MATN2: variants seen among roughly 807,000 people sequenced by gnomAD.
The protein encoded by MATN2 is matrilin-2.
In MATN2, 69 loss-of-function variants were observed where a neutral mutation model predicts 103.2. The ratio of observed to expected loss-of-function variants is 0.67; its 90% confidence interval spans 0.55 to 0.82. The LOEUF is 0.82. Ranked by LOEUF, MATN2 falls within the 40% of genes least tolerant of loss-of-function variation. The probability of loss-of-function intolerance (pLI) is 0.00; values close to 1 mark genes in which losing one functional copy is unlikely to be tolerated. For missense variants in MATN2, 1,023 were observed against 1,211.5 expected (o/e 0.84, Z 2.31); for synonymous variants, 429 against 450.2 (o/e 0.95, Z 0.60).
intron 12 of MATN2, 110 bp from the exon 13 acceptor site, chr8:98,021,095 G>A (rs1813573384): frequency 9.8e-7 from 1 of 1,018,124 alleles, no homozygotes; most frequent in Non-Finnish European, 1.4e-6. Context: ...TTTGAAGAGA[G>A]GTGTATTTTC....
At chr8:97,988,781 A>G (rs755443495) in intron 6 of MATN2, among the ~76,000 whole-genome samples, 3 of 152,198 alleles carry the variant, frequency 2.0e-5, no homozygotes, top group South Asian at 2.1e-4. Flanking sequence ...AACTCATACT[A>G]ATTCTACACA....
At chr8:97,886,217 C>T (rs1818422359) in intron 1 of MATN2, among the ~76,000 whole-genome samples, 1 of 152,058 alleles carries the variant, frequency 6.6e-6, no homozygotes, top group Non-Finnish European at 1.5e-5. Flanking sequence ...CTCAGGGCTC[C>T]CACTGATTCC....
intron 4 of MATN2, among the ~76,000 whole-genome samples, chr8:97,960,113 C>A (rs546336724): frequency 7.0e-4 from 107 of 152,210 alleles, no homozygotes; most frequent in African/African-American, 2.5e-3. Flanking sequence ...CGTGCCACCA[C>A]GCCAAGCTAA....
chr8:97,994,096 A>G (rs1378473487), intron 6 of MATN2, among the ~76,000 whole-genome samples: 2 of 147,536 alleles, frequency 1.4e-5, no homozygotes, highest in Non-Finnish European at 3.0e-5. Flanking sequence ...GAAAGAAGAA[A>G]GGAAGAAAGG....
At chr8:97,995,263 C>T (rs183220678) in intron 7 of MATN2, among the ~76,000 whole-genome samples, 13 of 152,246 alleles carry the variant, frequency 8.5e-5, no homozygotes, top group African/African-American at 2.6e-4. Flanking sequence ...ATCTTTTTCT[C>T]GCTGCTGAAT....
chr8:97,878,239 G>A (rs1226409805), intron 1 of MATN2, among the ~76,000 whole-genome samples: 1 of 152,094 alleles, frequency 6.6e-6, no homozygotes, highest in African/African-American at 2.4e-5. Context: ...TATTCAAGCT[G>A]ACCAAGAAAT....
intron 1 of MATN2, among the ~76,000 whole-genome samples, chr8:97,874,319 T>C (rs1817992014): frequency 6.6e-6 from 1 of 152,118 alleles, no homozygotes; most frequent in African/African-American, 2.4e-5. Flanking sequence ...TTTGCTTCCA[T>C]CTTCAAAGCC....
chr8:97,990,273 G>A (rs1442272648), intron 6 of MATN2, among the ~76,000 whole-genome samples: 7 of 151,478 alleles, frequency 4.6e-5, no homozygotes, highest in Non-Finnish European at 1.0e-4. Flanking sequence ...TAGAGATGGC[G>A]AAGAAGCATA....
intron 4 of MATN2, among the ~76,000 whole-genome samples, chr8:97,943,628 C>T (rs543677575): frequency 6.6e-6 from 1 of 152,226 alleles, no homozygotes; most frequent in South Asian, 2.1e-4. Context: ...TGCATGCCAC[C>T]ATGCCTGGCT....
At chr8:97,951,721 G>T (rs1349051192) in intron 4 of MATN2, among the ~76,000 whole-genome samples, 4 of 138,702 alleles carry the variant, frequency 2.9e-5, no homozygotes. Context: ...CTCTACAGGA[G>T]TAGGACATTA....
chr8:97,995,317 A>G (rs1812545687), intron 7 of MATN2, among the ~76,000 whole-genome samples: 2 of 152,188 alleles, frequency 1.3e-5, no homozygotes, highest in Non-Finnish European at 2.9e-5. Flanking sequence ...GATGTGCACA[A>G]TGTTTGCTGA....
At chr8:97,899,339 C>T (rs548745185) in intron 2 of MATN2, among the ~76,000 whole-genome samples, 4 of 152,264 alleles carry the variant, frequency 2.6e-5, no homozygotes, top group African/African-American at 4.8e-5. Flanking sequence ...AGTAAATTAA[C>T]GGACTCTTCC....
At chr8:98,034,523 ATCTT>A (rs1814163764) in intron 18 of MATN2, among the ~76,000 whole-genome samples, 4 of 152,144 alleles carry the variant, frequency 2.6e-5, no homozygotes. Context: ...AAATGAAATA[ATCTT>A]TCTGAGTGGT....
chr8:98,018,160 T>A (rs1813439009), intron 12 of MATN2, 44 bp downstream of exon 12: 1 of 1,610,536 alleles, frequency 6.2e-7, no homozygotes, highest in Non-Finnish European at 8.5e-7. Context: ...CTCTGTGGAC[T>A]CAGACAGTTA....
chr8:98,007,392 G>A lies in MATN2; in HGVS notation c.1451-87G>A, dbSNP rs1272812466. ...TGGGACTGCATGCCTTCGAGGGAGGGCGGGGTGAGCATGACGGTCACTTGA... is the reference window on the plus strand; with the variant it reads ...TGGGACTGCATGCCTTCGAGGGAGGACGGGGTGAGCATGACGGTCACTTGA... On this transcript the variant is annotated intron_variant, in intron 9 of 18. Transcript: ENST00000254898. This position sits in a 1 kb window ranked among gnomAD's most constrained non-coding sequence, Gnocchi z 4.2. 5 of 1,566,300 alleles carry A rather than the reference G, an allele frequency of 3.2e-6. No individual in the cohort carries two copies. The South Asian group carries it at 3.5e-5, about 11-fold the overall frequency.
At chr8:97,965,214 C>T (rs544385247) in intron 5 of MATN2, among the ~76,000 whole-genome samples, 1 of 152,180 alleles carries the variant, frequency 6.6e-6, no homozygotes, top group Admixed American at 6.5e-5. Context: ...AAGTTGAAGA[C>T]AGCAGAAGGA....
rs114067643 is a variant in MATN2 at position 98,030,075 on chromosome 8, T to C, written c.2357-387T>C. 5.1e-3 allele frequency among the ~76,000 whole-genome samples: 780 copies of C among 152,326 alleles called. 7 individuals are homozygous for C. Among genetic ancestry groups the C allele is most frequent in the African/African-American group, 0.018 (736 of 41,566 alleles). On this transcript the variant is annotated intron_variant, in intron 14 of 18. Transcript: ENST00000254898. Reference sequence around the variant, plus strand: ...GTAGCTTTGAGTAGAAACTAGGTTATTAGGTCATAAATTGACTTGATTCTT... The same window carrying C: ...GTAGCTTTGAGTAGAAACTAGGTTACTAGGTCATAAATTGACTTGATTCTT...
chr8:97,988,619 C>G (rs1028580274), intron 6 of MATN2, among the ~76,000 whole-genome samples: 1 of 152,114 alleles, frequency 6.6e-6, no homozygotes, highest in African/African-American at 2.4e-5. Flanking sequence ...GAGTGAGACT[C>G]TCTCCCCAGA....
intron 2 of MATN2, among the ~76,000 whole-genome samples, chr8:97,906,071 A>T (rs760743968): frequency 5.9e-5 from 9 of 152,170 alleles, no homozygotes; most frequent in Non-Finnish European, 1.0e-4. Flanking sequence ...AATTGCTGGG[A>T]AATATGGTAA....
Sources: allele counts gnomAD v4.1 joint callset (sites outside exome capture counted in the v4.1 genomes callset), GRCh38; gene constraint gnomAD v4.1.1; non-coding constraint Gnocchi (gnomAD v3.1); transcripts MANE v1.5; gene names NCBI Gene and HGNC (gene_info 2026-07-23, HGNC 2026-07-21).